INTS10: variants seen among roughly 807,000 people sequenced by gnomAD.
INTS10 encodes chromosome 8 open reading frame 35.
INTS10 carries 44 observed loss-of-function variants against 94.4 expected under a neutral mutation model. That is an observed-to-expected ratio of 0.47 (90% CI 0.37 to 0.60). INTS10 has a LOEUF of 0.60. Among genes scored for constraint, INTS10 ranks in the 20% least tolerant of loss-of-function variants. The pLI is 0.00. For synonymous variants in INTS10, 341 were observed against 320.7 expected (o/e 1.06, Z -0.68); for missense variants, 797 against 868.7 (o/e 0.92, Z 1.04).
chr8:19,830,032 C>T (rs2067111088), intron 9 of INTS10, among the ~76,000 whole-genome samples: 1 of 151,950 alleles, frequency 6.6e-6, no homozygotes, highest in Admixed American at 6.6e-5. Context: ...AATCATGTCA[C>T]GTATTAGAAA....
intron 16 of INTS10, among the ~76,000 whole-genome samples, chr8:19,850,083 C>A (rs1013791472): frequency 6.7e-6 from 1 of 149,514 alleles, no homozygotes; most frequent in Non-Finnish European, 1.5e-5. Flanking sequence ...AGATCATTGC[C>A]ACTGCACTTC....
chr8:19,824,017 G>A lies in INTS10; in HGVS notation c.809G>A (p.Cys270Tyr). 2 of 1,611,394 alleles carry A rather than the reference G, an allele frequency of 1.2e-6. No individual in the cohort carries two copies. Among genetic ancestry groups the A allele is most frequent in the Admixed American group, 1.7e-5 (1 of 59,398 alleles). Residue 270 changes from cysteine (C) to tyrosine (Y), a missense_variant, in exon 7 of 17, where the codon TGT becomes TAT. Physicochemically the swap from Cys to Tyr is radical, Grantham distance 194. Coordinates refer to ENST00000397977, the MANE Select transcript of INTS10 (RefSeq NM_018142.4). ...ATTTTGAATGTTGTTGGAATGAGAT[G>A]TGAATGGCAGATGGATAAAGGAAGA... ...FKILNVVGMR[C>Y]EWQMDKGRRS...
intron 13 of INTS10, among the ~76,000 whole-genome samples, chr8:19,842,497 T>C (rs1453641840): frequency 6.6e-6 from 1 of 152,206 alleles, no homozygotes; most frequent in African/African-American, 2.4e-5. Context: ...TTTGTGATTA[T>C]TGATATTAGA....
chr8:19,817,449 C>G lies in INTS10; in HGVS notation c.-89C>G. On this transcript the variant is annotated 5_prime_UTR_variant, in exon 1 of 17. Coordinates refer to ENST00000397977, the MANE Select transcript of INTS10 (RefSeq NM_018142.4). ...GCAGTAGCCTCCCCCGCGGTGGCGG[C>G]GGCGGCGGCGGTGGCTGCCGTGGCG... 2 of 1,507,178 alleles carry G rather than the reference C, an allele frequency of 1.3e-6. No homozygotes were observed. Among genetic ancestry groups the G allele is most frequent in the Non-Finnish European group, 1.8e-6 (2 of 1,126,358 alleles). The allele number at this position is 1,507,178 out of a possible 1,614,324, so 93.4% of individuals were successfully genotyped here.
intron 15 of INTS10, 71 bp downstream of exon 15, chr8:19,844,309 A>G (rs141600276): frequency 1.4e-5 from 16 of 1,140,552 alleles, no homozygotes; most frequent in Non-Finnish European, 2.0e-5. Context: ...TAGAAAAAGA[A>G]TGAACCATTC....
At position 19,830,445 on chromosome 8, in the gene INTS10, C is replaced by G. The variant is rs1290558902; in HGVS notation, c.1180C>G (p.Arg394Gly). ...AGACTGTTCGGCGAAAGGAAGAAAT[C>G]GTCACATTGTAGTCAATAAAGCCGA... The part of the protein sequence containing the change: ...DEDCSAKGRN[R>G]HIVVNKAELA... Residue 394 changes from arginine to glycine, a missense_variant, in exon 10 of 17, where the codon CGT (arginine) becomes GGT (glycine). By Grantham distance (125) the Arg-to-Gly change is moderately radical. This residue lies in a region of INTS10 where 734 missense variants were observed against 787.8 expected (regional missense o/e 0.93). Coordinates refer to ENST00000397977, the MANE Select transcript of INTS10 (RefSeq NM_018142.4). 2 of 1,613,852 alleles carry G rather than the reference C, an allele frequency of 1.2e-6. No homozygotes were observed. Among genetic ancestry groups the G allele is most frequent in the Admixed American group, 1.7e-5 (1 of 59,978 alleles).
Position 19,845,543 on chromosome 8 carries a change from G to C in INTS10, c.1883-161G>C, listed in dbSNP as rs571815744. On this transcript the variant is annotated intron_variant, in intron 15 of 16. Coordinates refer to ENST00000397977, the MANE Select transcript of INTS10 (RefSeq NM_018142.4). Reference sequence around the variant, plus strand: ...CAGTTAGTGGGGTAGCAATGGGCAAGTTACTCAACTGCCAAGACCCCATTT... The same window carrying C: ...CAGTTAGTGGGGTAGCAATGGGCAACTTACTCAACTGCCAAGACCCCATTT... 21 of 613,294 alleles carry C rather than the reference G, an allele frequency of 3.4e-5. No homozygotes were observed. In the South Asian group the frequency reaches 4.1e-4, roughly 12 times the overall value. 38.0% of individuals were successfully genotyped at this position (613,294 alleles called of 1,614,324 possible).
intron 15 of INTS10, 87 bp downstream of exon 15, chr8:19,844,325 AG>A: frequency 1.0e-6 from 1 of 996,958 alleles, no homozygotes; most frequent in East Asian, 2.6e-5. Context: ...CATTCTGGAT[AG>A]AAATAATGAT....
intron 12 of INTS10, 78 bp downstream of exon 12, chr8:19,833,399 T>G: frequency 9.5e-7 from 1 of 1,053,506 alleles, no homozygotes; most frequent in South Asian, 2.2e-5. Flanking sequence ...GCGTGGCTTT[T>G]CATTCAGTGC....
chr8:19,830,364 T>G, intron 9 of INTS10, 42 bp from the exon 10 acceptor site: 1 of 1,571,918 alleles, frequency 6.4e-7, no homozygotes, highest in Non-Finnish European at 8.7e-7. Context: ...TATGACTATA[T>G]TTATAACTGA....
intron 1 of INTS10, 33 bp from the exon 2 acceptor site, chr8:19,818,242 G>C: frequency 6.2e-7 from 1 of 1,610,528 alleles, no homozygotes. Context: ...CTGGGCAGGG[G>C]TGAGTGACCA....
At chr8:19,840,361 CTG>C (rs1239924699) in intron 13 of INTS10, among the ~76,000 whole-genome samples, 2 of 152,106 alleles carry the variant, frequency 1.3e-5, no homozygotes, top group Non-Finnish European at 2.9e-5. Context: ...CCACGTGTAT[CTG>C]TAGATTCAAT....
chr8:19,832,302 T>C (rs1213876490), intron 11 of INTS10, among the ~76,000 whole-genome samples, 192 bp downstream of exon 11: 1 of 152,194 alleles, frequency 6.6e-6, no homozygotes, highest in Non-Finnish European at 1.5e-5. Flanking sequence ...CCGGGTGTCG[T>C]GGCTTACGCC....
intron 10 of INTS10, 32 bp downstream of exon 10, chr8:19,830,591 A>T: frequency 6.3e-7 from 1 of 1,585,456 alleles, no homozygotes; most frequent in Non-Finnish European, 8.6e-7. Flanking sequence ...GTGCTGTTTG[A>T]TGTTTTATAT....
chr8:19,840,355 G>A (rs1045908454), intron 13 of INTS10, among the ~76,000 whole-genome samples: 11 of 152,228 alleles, frequency 7.2e-5, no homozygotes, highest in Non-Finnish European at 1.2e-4. Flanking sequence ...TTCTCCCCAC[G>A]TGTATCTGTA....
At chr8:19,822,665 AT>A (rs1450767810) in intron 5 of INTS10, 145 bp downstream of exon 5, 1 of 542,350 alleles carries the variant, frequency 1.8e-6, no homozygotes, top group Non-Finnish European at 3.2e-6. Flanking sequence ...ATTTAGAAGC[AT>A]TTTAGCTGGG....
chr8:19,834,985 A>T (rs1006662674), intron 12 of INTS10, among the ~76,000 whole-genome samples: 3 of 151,918 alleles, frequency 2.0e-5, no homozygotes, highest in Admixed American at 2.0e-4. Flanking sequence ...CTCATCATCT[A>T]CTCACCTCCC....
chr8:19,831,210 G>A (rs1007560327), intron 10 of INTS10, among the ~76,000 whole-genome samples: 2 of 152,190 alleles, frequency 1.3e-5, no homozygotes, highest in Non-Finnish European at 2.9e-5. Flanking sequence ...CCCTTGGCCA[G>A]ATGTGCTGTG....
Position 19,819,688 on chromosome 8 carries a change from G to T in INTS10, c.301+12G>T. 6.4e-7 allele frequency: 1 copy of T among 1,573,294 alleles called. No homozygotes were observed. The highest frequency in any genetic ancestry group is 2.3e-5 in the East Asian group (1 of 43,918). On this transcript the variant is annotated intron_variant, in intron 3 of 16. Coordinates refer to ENST00000397977, the MANE Select transcript of INTS10 (RefSeq NM_018142.4). ...CCAATTTTTAAGAAGTAAGAATAAT[G>T]GTGTATAAGTTACCATTTCGGGAAT...
Sources: allele counts gnomAD v4.1 joint callset (sites outside exome capture counted in the v4.1 genomes callset), GRCh38; gene constraint gnomAD v4.1.1; regional missense constraint gnomAD v4.1.1; transcripts MANE v1.5; gene names NCBI Gene and HGNC (gene_info 2026-07-23, HGNC 2026-07-21).